The following CDK14 variants were observed in gnomAD, a reference collection of about 807,000 sequenced individuals.
CDK14 encodes the protein cyclin dependent kinase 14.
A neutral mutation model predicts 60.7 loss-of-function variants in CDK14; 34 were observed. That is an observed-to-expected ratio of 0.56 (90% CI 0.43 to 0.75). The LOEUF is 0.75. CDK14 is among the 30% of genes least tolerant of loss of function. The pLI is 0.00. For synonymous variants in CDK14, 197 were observed against 203.7 expected (o/e 0.97, Z 0.28); for missense variants, 482 against 564.1 (o/e 0.85, Z 1.47).
intron 9 of CDK14, among the ~76,000 whole-genome samples, chr7:90,971,522 A>T (rs1481466875): frequency 1.3e-5 from 2 of 152,138 alleles, no homozygotes; most frequent in African/African-American, 4.8e-5. Context: ...GTAGATAGAG[A>T]TGGAGGATAG....
At chr7:91,021,152 G>A (rs967892418) in intron 10 of CDK14, among the ~76,000 whole-genome samples, 18 of 152,268 alleles carry the variant, frequency 1.2e-4, no homozygotes, top group Admixed American at 9.8e-4. Flanking sequence ...AATCATGGGA[G>A]TGACTCTGCC....
intron 5 of CDK14, among the ~76,000 whole-genome samples, chr7:90,851,195 A>G (rs569779261): frequency 1.1e-4 from 17 of 152,314 alleles, no homozygotes; most frequent in South Asian, 4.1e-4. Context: ...ATTGTCCTCA[A>G]TGGTCAAATA....
At position 91,045,878 on chromosome 7, in the gene CDK14, A is replaced by G. The variant is rs1797216939; in HGVS notation, c.1042-19A>G. 3.8e-6 allele frequency: 6 copies of G among 1,561,328 alleles called. No homozygotes were observed. Among genetic ancestry groups the G allele is most frequent in the Non-Finnish European group, 5.3e-6 (6 of 1,132,290 alleles). The stretch of plus-strand genomic sequence containing the variant: ...TGGAAATAATAAGGCTGTTTCCACA[A>G]TCTCCTACTCTCCACTAGGTTCTTG... On this transcript the variant is annotated intron_variant, in intron 10 of 14. Transcript: ENST00000380050.
At chr7:90,672,502 G>GTTTTTTTTTTTTT (rs201978996) in intron 2 of CDK14, among the ~76,000 whole-genome samples, 22 of 49,992 alleles carry the variant, frequency 4.4e-4, no homozygotes, top group Admixed American at 7.1e-4. Context: ...TTCTTCTTCT[G>GTTTTTTTTTTTTT]TTTTTTTTTT....
intron 14 of CDK14, among the ~76,000 whole-genome samples, chr7:91,202,116 T>C (rs538093524): frequency 1.3e-5 from 2 of 152,250 alleles, no homozygotes; most frequent in African/African-American, 4.8e-5. Context: ...ATTTTTCATC[T>C]CCTCCATCAC....
rs73410630 is a variant in CDK14, at chr7:90,729,036, A to T, written c.369+2224A>T. Among the ~76,000 whole-genome samples, 33 of 143,138 alleles carry T rather than the reference A, an allele frequency of 2.3e-4. 1 individual carries two copies. Among genetic ancestry groups the T allele is most frequent in the African/African-American group, 8.2e-4 (32 of 39,196 alleles). The allele number at this position is 143,138 out of a possible 152,430, so 93.9% of individuals were successfully genotyped here. A position where few individuals can be genotyped will look rare whatever the true frequency, so the allele number is the denominator to read the frequency against. ...AGTTCTCTATGCCAACTTTCTCATGATTTTTTTTTTTTTCATTCGGTATGA... is the reference window on the plus strand; with the variant it reads ...AGTTCTCTATGCCAACTTTCTCATGTTTTTTTTTTTTTTCATTCGGTATGA... On this transcript the variant is annotated intron_variant, in intron 3 of 14. Transcript: ENST00000380050.
intron 6 of CDK14, among the ~76,000 whole-genome samples, chr7:90,886,031 A>G (rs1046698500): frequency 6.6e-6 from 1 of 152,174 alleles, no homozygotes; most frequent in African/African-American, 2.4e-5. Flanking sequence ...TTTTCTTTAG[A>G]AGAAATAAAT....
chr7:91,179,822 T>C (rs543890780), intron 14 of CDK14, among the ~76,000 whole-genome samples: 2 of 152,216 alleles, frequency 1.3e-5, no homozygotes, highest in Admixed American at 1.3e-4. Context: ...AAAGTTTACT[T>C]TTATTTTTAA....
chr7:91,164,854 TGTCA>T lies in CDK14; in HGVS notation c.*29-42307_*29-42304del, dbSNP rs1801297945. On this transcript the variant is annotated intron_variant, in intron 14 of 14. Transcript: ENST00000380050. ...TCCAAGATAAATTTGTAAAACATCATGTCAGTCCCTTTCTAGTCCCAGTATCCCC... is the reference window on the plus strand; with the variant it reads ...TCCAAGATAAATTTGTAAAACATCATGTCCCTTTCTAGTCCCAGTATCCCC... Among the ~76,000 whole-genome samples the T allele has an allele frequency of 2.0e-5, 3 of 152,338 alleles. No homozygotes were observed. The East Asian group carries it at 5.8e-4, about 29-fold the overall frequency.
At chr7:91,039,403 A>G (rs144481742) in intron 10 of CDK14, among the ~76,000 whole-genome samples, 1 of 152,380 alleles carries the variant, frequency 6.6e-6, no homozygotes, top group Non-Finnish European at 1.5e-5. Flanking sequence ...ATGGGAAAAC[A>G]TAATTAACAG....
At chr7:91,010,819 TCCTTCCTTCCTTCCTCCCTC>T in intron 10 of CDK14, among the ~76,000 whole-genome samples, 2 of 73,794 alleles carry the variant, frequency 2.7e-5, no homozygotes, top group African/African-American at 5.2e-5. Context: ...CTTCCTTCCT[TCCTTCCTTCCTTCCTCCCTC>T]CCTCCCTCCC....
chr7:91,146,774 T>G (rs1800651396), intron 14 of CDK14, among the ~76,000 whole-genome samples: 1 of 152,170 alleles, frequency 6.6e-6, no homozygotes, highest in Non-Finnish European at 1.5e-5. Context: ...CCTTTGCCAT[T>G]CTACAAATTT....
chr7:90,647,768 A>G (rs749094306), intron 2 of CDK14, among the ~76,000 whole-genome samples: 8 of 152,198 alleles, frequency 5.3e-5, no homozygotes, highest in Non-Finnish European at 5.9e-5. Flanking sequence ...AGGCTGGATG[A>G]TCACTTGAGC....
chr7:91,149,781 G>A (rs1800779264), intron 14 of CDK14, among the ~76,000 whole-genome samples: 1 of 152,178 alleles, frequency 6.6e-6, no homozygotes, highest in Non-Finnish European at 1.5e-5. Context: ...GGCCATATGG[G>A]TGTGTTCTGG....
chr7:90,894,479 T>A (rs1277948549), intron 6 of CDK14, among the ~76,000 whole-genome samples: 1 of 152,212 alleles, frequency 6.6e-6, no homozygotes, highest in Admixed American at 6.5e-5. Flanking sequence ...AGGAAAGTCT[T>A]TTAAGTTTTC....
chr7:90,898,940 G>A (rs911027652), intron 6 of CDK14, among the ~76,000 whole-genome samples: 1 of 151,808 alleles, frequency 6.6e-6, no homozygotes, highest in East Asian at 1.9e-4. Context: ...GGAAAATATG[G>A]GATAATTGAC....
intron 3 of CDK14, among the ~76,000 whole-genome samples, chr7:90,746,628 A>T (rs1185667500): frequency 1.3e-5 from 2 of 152,198 alleles, no homozygotes; most frequent in Non-Finnish European, 1.5e-5. Context: ...CAACAGTATA[A>T]TAATAGATCA....
At chr7:90,768,963 G>C (rs1383230521) in intron 4 of CDK14, among the ~76,000 whole-genome samples, 1 of 152,102 alleles carries the variant, frequency 6.6e-6, no homozygotes, top group East Asian at 1.9e-4. Context: ...TACATTCCAG[G>C]CTTTTTTGAA....
At chr7:90,708,296 A>G (rs565881266) in intron 2 of CDK14, among the ~76,000 whole-genome samples, 22 of 152,242 alleles carry the variant, frequency 1.4e-4, no homozygotes, top group African/African-American at 4.3e-4. Context: ...GAATGACTCA[A>G]ATAAGAAGTG....
Sources: allele counts gnomAD v4.1 joint callset (sites outside exome capture counted in the v4.1 genomes callset), GRCh38; gene constraint gnomAD v4.1.1; transcripts MANE v1.5; gene names NCBI Gene and HGNC (gene_info 2026-07-23, HGNC 2026-07-21).